MED15: variants seen among roughly 807,000 people sequenced by gnomAD.
MED15 encodes mediator of RNA polymerase II transcription subunit 15.
A neutral mutation model predicts 118.7 loss-of-function variants in MED15; 41 were observed. The ratio of observed to expected loss-of-function variants is 0.35; its 90% confidence interval spans 0.27 to 0.45. The LOEUF is 0.45. Among genes scored for constraint, MED15 ranks in the 20% least tolerant of loss-of-function variants. The probability of loss-of-function intolerance (pLI) is 1.00; values close to 1 mark genes in which losing one functional copy is unlikely to be tolerated. For missense variants in MED15, 740 were observed against 1,025.5 expected, an observed-to-expected ratio of 0.72 and a Z score of 3.80; for synonymous variants, 436 against 413.9, an observed-to-expected ratio of 1.05 and a Z score of -0.65.
rs2057116864 is a variant in MED15 at position 20,585,744 on chromosome 22, AAGTGTGCCACCACTGGAGCTC to A, written c.2157_2177del (p.Pro720_Pro726del). The A allele has an allele frequency of 6.2e-7, 1 of 1,613,188 alleles. No homozygotes were observed. Among genetic ancestry groups the A allele is most frequent in the African/African-American group, 1.3e-5 (1 of 74,918 alleles). On this transcript the variant is annotated inframe_deletion, in exon 17 of 18. Transcript: ENST00000263205. The stretch of plus-strand genomic sequence containing the variant: ...GTGTTGCAGATGACAAGGACCTCCC[AAGTGTGCCACCACTGGAGCTC>A]AGTGTGCCCGCTGACTATCCTGCCC...
rs759198315 is a variant in MED15, at chr22:20,566,682, A to G, written c.906A>G (p.Pro302=). 2 of 1,614,110 alleles carry G rather than the reference A, an allele frequency of 1.2e-6. No individual in the cohort carries two copies. Among genetic ancestry groups the G allele is most frequent in the East Asian group, 2.2e-5 (1 of 44,886 alleles). ...QMHHTQHHQP[P]PQPQQPPVAQ... is the part of the protein sequence containing the mutation. ...ATCACACACAGCACCACCAGCCGCC[A>G]CCACAGCCCCAGCAGCCTCCAGTTG... Residue 302 remains proline, a synonymous_variant, in exon 7 of 18, where the codon CCA becomes CCG. Transcript: ENST00000263205.
intron 1 of MED15, among the ~76,000 whole-genome samples, chr22:20,523,308 T>C (rs2054525586): frequency 2.0e-5 from 3 of 152,006 alleles, no homozygotes; most frequent in African/African-American, 7.3e-5. Context: ...GTGTGGATCA[T>C]GCACAATCAT....
chr22:20,569,008 G>A (rs539828045), intron 8 of MED15, among the ~76,000 whole-genome samples: 1 of 152,204 alleles, frequency 6.6e-6, no homozygotes, highest in Non-Finnish European at 1.5e-5. Context: ...CCAGGGTGGA[G>A]GGCAGCTTTC....
At chr22:20,520,951 G>T (rs192985420) in intron 1 of MED15, among the ~76,000 whole-genome samples, 16 of 151,856 alleles carry the variant, frequency 1.1e-4, no homozygotes, top group Admixed American at 5.3e-4. Context: ...TGTTTCCCAG[G>T]CTGGTCTCGA....
intron 1 of MED15, among the ~76,000 whole-genome samples, chr22:20,531,866 G>A (rs906634367): frequency 2.6e-5 from 4 of 152,244 alleles, no homozygotes; most frequent in Admixed American, 6.5e-5. Flanking sequence ...CTGTGCAGCC[G>A]ACAGCAGGGG....
intron 2 of MED15, among the ~76,000 whole-genome samples, chr22:20,538,213 C>T (rs2055154805): frequency 6.6e-6 from 1 of 152,096 alleles, no homozygotes; most frequent in African/African-American, 2.4e-5. Flanking sequence ...TCCCAAAGTG[C>T]TGGGGTCACA....
At chr22:20,571,637 G>T (rs2056664847) in intron 8 of MED15, among the ~76,000 whole-genome samples, 1 of 152,192 alleles carries the variant, frequency 6.6e-6, no homozygotes, top group Admixed American at 6.5e-5. Flanking sequence ...GGGCTAATTG[G>T]GCACCCTCAC....
chr22:20,554,449 G>A (rs7290040), intron 4 of MED15: 4,858 of 153,674 alleles, frequency 0.032, 277 homozygotes, highest in African/African-American at 0.11. Flanking sequence ...GCACACAGGG[G>A]CCCAGGCTGA....
In MED15 at chr22:20,566,664, A is replaced by G. The variant is rs1235299135; in HGVS notation, c.888A>G (p.Thr296=). 1.2e-6 allele frequency: 2 copies of G among 1,614,040 alleles called. No homozygotes were observed. Among genetic ancestry groups the G allele is most frequent in the Non-Finnish European group, 1.7e-6 (2 of 1,179,992 alleles). Residue 296 remains threonine (T), a synonymous_variant, in exon 7 of 18, where the codon ACA becomes ACG. Transcript: ENST00000263205. ...AGCAGCTGCAGCAGATGCATCACAC[A>G]CAGCACCACCAGCCGCCACCACAGC... ...LPQQLQQMHH[T]QHHQPPPQPQ...
chr22:20,584,619 G>A, intron 14 of MED15, 194 bp downstream of exon 14: 3 of 809,000 alleles, frequency 3.7e-6, no homozygotes, highest in Non-Finnish European at 5.8e-6. Flanking sequence ...TCTGTCTACG[G>A]CCCCCGTGGG....
chr22:20,559,014 G>A (rs2146551270), intron 5 of MED15, among the ~76,000 whole-genome samples: 1 of 152,198 alleles, frequency 6.6e-6, no homozygotes, highest in South Asian at 2.1e-4. Flanking sequence ...TGGAGAGCCG[G>A]GCACAGTGGC....
At chr22:20,516,057 C>A (rs1302623819) in intron 1 of MED15, among the ~76,000 whole-genome samples, 2 of 151,576 alleles carry the variant, frequency 1.3e-5, no homozygotes, top group African/African-American at 4.8e-5. Flanking sequence ...TGGCTCACAC[C>A]TGTAATCCCA....
intron 5 of MED15, among the ~76,000 whole-genome samples, chr22:20,563,122 A>G (rs1211370414): frequency 2.0e-5 from 3 of 152,326 alleles, no homozygotes; most frequent in East Asian, 3.8e-4. Context: ...TGAATCACTC[A>G]TATATTGCTG....
chr22:20,584,568 C>A, intron 14 of MED15, 143 bp downstream of exon 14: 1 of 1,040,342 alleles, frequency 9.6e-7, no homozygotes, highest in Non-Finnish European at 1.4e-6. Flanking sequence ...GCTTCCTGGC[C>A]AGGTCTGCTG....
chr22:20,536,267 A>G (rs928251992), intron 1 of MED15, among the ~76,000 whole-genome samples: 1 of 150,522 alleles, frequency 6.6e-6, no homozygotes, highest in African/African-American at 2.4e-5. Context: ...AGCACACCAG[A>G]GCAGTCCACC....
At chr22:20,525,530 C>CTTTTTT (rs753248152) in intron 1 of MED15, among the ~76,000 whole-genome samples, 42 of 113,300 alleles carry the variant, frequency 3.7e-4, no homozygotes, top group Middle Eastern at 5.1e-3. Context: ...TGACCTTTCT[C>CTTTTTT]TTTTTTTTTT....
chr22:20,581,123 C>G (rs1601640410), intron 9 of MED15, among the ~76,000 whole-genome samples: 1 of 152,224 alleles, frequency 6.6e-6, no homozygotes, highest in African/African-American at 2.4e-5. Flanking sequence ...CCTTAGCCCC[C>G]CACCCCCTGG....
intron 1 of MED15, among the ~76,000 whole-genome samples, chr22:20,529,514 T>C (rs2146408337): frequency 6.6e-6 from 1 of 152,334 alleles, no homozygotes; most frequent in Non-Finnish European, 1.5e-5. Context: ...AACCTTCACC[T>C]CCCAGGTTCA....
At chr22:20,525,342 G>T (rs2054595863) in intron 1 of MED15, among the ~76,000 whole-genome samples, 1 of 149,834 alleles carries the variant, frequency 6.7e-6, no homozygotes, top group Admixed American at 6.6e-5. Flanking sequence ...ACATAGTTTT[G>T]CCCTGTCCCA....
Sources: allele counts gnomAD v4.1 joint callset (sites outside exome capture counted in the v4.1 genomes callset), GRCh38; gene constraint gnomAD v4.1.1; transcripts MANE v1.5; gene names NCBI Gene and HGNC (gene_info 2026-07-23, HGNC 2026-07-21).